The following TRIML1 variants were observed in gnomAD, a reference collection of about 807,000 sequenced individuals.
The protein encoded by TRIML1 is tripartite motif family like 1.
A neutral mutation model predicts 32.3 loss-of-function variants in TRIML1; 34 were observed. That is an observed-to-expected ratio of 1.05 (90% CI 0.80 to 1.40). The LOEUF is 1.40. TRIML1 is among the 40% of genes most tolerant of loss of function. The probability of loss-of-function intolerance (pLI) is 0.00; values close to 1 mark genes in which losing one functional copy is unlikely to be tolerated. For missense variants in TRIML1, 595 were observed against 574.9 expected (o/e 1.03, Z -0.36); for synonymous variants, 244 against 226.6 (o/e 1.08, Z -0.69).
intron 4 of TRIML1, 61 bp downstream of exon 4, chr4:188,143,921 T>C: frequency 6.2e-7 from 1 of 1,611,826 alleles, no homozygotes; most frequent in Non-Finnish European, 8.5e-7. Flanking sequence ...GATGGACAGT[T>C]CTGAGTGGGG....
intron 4 of TRIML1, 50 bp downstream of exon 4, chr4:188,143,910 TG>T: frequency 6.2e-7 from 1 of 1,613,232 alleles, no homozygotes; most frequent in Non-Finnish European, 8.5e-7. Context: ...GCAGTGGTGC[TG>T]ATGGACAGTT....
chr4:188,143,548 A>G, intron 3 of TRIML1: 1 of 442,476 alleles, frequency 2.3e-6, no homozygotes. Context: ...TGGATGATCG[A>G]GACTAACAGG....
rs1735101516 is a variant in TRIML1 at position 188,146,852 on chromosome 4, A to G, written c.887A>G (p.Asn296Ser). ...TEITLDPATANAYLVLSEDLK... is the reference protein window; with the variant it reads ...TEITLDPATASAYLVLSEDLK... ...ATAACGCTGGACCCAGCCACAGCTA[A>G]TGCCTATCTCGTGTTGTCGGAGGAT... The change falls in exon 6 of 6, where the codon AAT becomes AGT. Residue 296 changes from asparagine (N) to serine (S), a missense_variant. By Grantham distance (46) the Asn-to-Ser change is conservative. Coordinates refer to ENST00000332517, the MANE Select transcript of TRIML1 (RefSeq NM_178556.5). The G allele has an allele frequency of 7.0e-7, 1 of 1,428,174 alleles. No individual in the cohort carries two copies. Among genetic ancestry groups the G allele is most frequent in the Non-Finnish European group, 9.2e-7 (1 of 1,087,270 alleles). 88.5% of individuals were successfully genotyped at this position (1,428,174 alleles called of 1,614,324 possible).
chr4:188,143,657 T>C, intron 3 of TRIML1, 181 bp from the exon 4 acceptor site: 1 of 715,022 alleles, frequency 1.4e-6, no homozygotes, highest in Non-Finnish European at 2.5e-6. Context: ...CACCTTGTGT[T>C]CACCACAGCA....
At chr4:188,137,325 T>C (rs1734688759), upstream of TRIML1, among the ~76,000 whole-genome samples, 1 of 103,472 alleles carries the variant, frequency 9.7e-6, no homozygotes. Flanking sequence ...TTTTTTGAGA[T>C]GGGATCTTTC....
rs28719886 is a variant in TRIML1 at position 188,142,133 on chromosome 4, G to A, written c.505-119G>A. On this transcript the variant is annotated intron_variant, in intron 2 of 5. Coordinates refer to ENST00000332517, the MANE Select transcript of TRIML1 (RefSeq NM_178556.5). ...TCCATCTCAAAAAAAAAAAAAAAAA[G>A]AAAGAAAGAAACTCTAGGACTTGTA... 5,168 of 584,138 alleles carry A rather than the reference G, an allele frequency of 8.8e-3. 256 individuals are homozygous for A. In the African/African-American group the frequency reaches 0.1, roughly 12 times the overall value. 36.2% of individuals were successfully genotyped at this position (584,138 alleles called of 1,614,324 possible).
rs1216721195 is a variant in TRIML1 at position 188,147,005 on chromosome 4, T to C, written c.1040T>C (p.Val347Ala). Residue 347 changes from valine to alanine, a missense_variant, in exon 6 of 6, where the codon GTG becomes GCG. Physicochemically the swap from Val to Ala is moderately conservative, Grantham distance 64. Coordinates refer to ENST00000332517, the MANE Select transcript of TRIML1 (RefSeq NM_178556.5). ...TSGRHYWEVE[V>A]GNKTEWEVGI... ...GGGAGACACTACTGGGAGGTGGAGG[T>C]GGGAAACAAGACCGAGTGGGAAGTG... The C allele has an allele frequency of 2.5e-6, 4 of 1,593,398 alleles. No individual in the cohort carries two copies. In the African/African-American group the frequency reaches 5.4e-5, roughly 21 times the overall value.
intron 2 of TRIML1, 29 bp downstream of exon 2, chr4:188,140,652 G>T: frequency 2.0e-6 from 3 of 1,518,154 alleles, no homozygotes; most frequent in Non-Finnish European, 2.7e-6. Flanking sequence ...TTTGCTGCTT[G>T]TATATGACCC....
intron 5 of TRIML1, among the ~76,000 whole-genome samples, chr4:188,145,476 AG>A (rs70940904): frequency 0.027 from 866 of 32,224 alleles, 227 homozygotes; most frequent in African/African-American, 0.082. Flanking sequence ...AAAAAAAAAA[AG>A]TCAGAAATGG....
rs746108743 is a variant in TRIML1, at chr4:188,139,672, G to T, written c.114G>T (p.Val38=). ...TTECGHSFCL[V]CLLRSWEEHN... Reference sequence around the variant, plus strand: ...AGTGTGGGCACAGCTTTTGTCTGGTGTGTCTCCTCAGGAGCTGGGAGGAAC... The same window carrying T: ...AGTGTGGGCACAGCTTTTGTCTGGTTTGTCTCCTCAGGAGCTGGGAGGAAC... The change falls in exon 1 of 6, where the codon GTG becomes GTT. Residue 38 remains valine (V), a synonymous_variant. Transcript: ENST00000332517. The T allele has an allele frequency of 5.0e-6, 8 of 1,614,004 alleles. No individual in the cohort carries two copies. In the South Asian group the frequency reaches 8.8e-5, roughly 18 times the overall value.
intron 4 of TRIML1, 29 bp from the exon 5 acceptor site, chr4:188,144,007 G>A (rs748869879): frequency 4.3e-6 from 7 of 1,611,808 alleles, no homozygotes; most frequent in African/African-American, 2.7e-5. Context: ...GGTCTGTGCC[G>A]AGGAGTGAAC....
rs774590572 is a variant in TRIML1 at position 188,144,142 on chromosome 4, G to T, written c.856+9G>T. The T allele has an allele frequency of 7.4e-6, 12 of 1,612,502 alleles. No individual in the cohort carries two copies. In the East Asian group the frequency reaches 2.7e-4, roughly 36 times the overall value. On this transcript the variant is annotated intron_variant, in intron 5 of 5. Coordinates refer to ENST00000332517, the MANE Select transcript of TRIML1 (RefSeq NM_178556.5). ...GCTAAGAAAATTCAGCAGTAAGTCA[G>T]CCTGATTTGTTACCCCTCCGGGGCT...
At chr4:188,145,335 G>C (rs1035966513) in intron 5 of TRIML1, among the ~76,000 whole-genome samples, 3 of 151,288 alleles carry the variant, frequency 2.0e-5, no homozygotes, top group Middle Eastern at 3.4e-3. Context: ...CCAGCTACTC[G>C]GGAGGCCTAG....
chr4:188,140,114 C>A, intron 1 of TRIML1, 148 bp downstream of exon 1: 2 of 809,092 alleles, frequency 2.5e-6, no homozygotes, highest in Non-Finnish European at 1.9e-6. Flanking sequence ...CAGTTTACAC[C>A]CTTTTTTTTC....
At chr4:188,146,043 T>C (rs1305977646) in intron 5 of TRIML1, among the ~76,000 whole-genome samples, 1 of 152,190 alleles carries the variant, frequency 6.6e-6, no homozygotes, top group Non-Finnish European at 1.5e-5. Flanking sequence ...TTTTCTTTTT[T>C]GTAAAAATTA....
In TRIML1 at chr4:188,139,848, G is replaced by A. The variant is rs1734781672; in HGVS notation, c.290G>A (p.Arg97Lys). The A allele has an allele frequency of 6.2e-7, 1 of 1,613,860 alleles. No individual in the cohort carries two copies. Among genetic ancestry groups the A allele is most frequent in the Non-Finnish European group, 8.5e-7 (1 of 1,180,040 alleles). The change falls in exon 1 of 6, where the codon AGG becomes AAG. Residue 97 changes from arginine to lysine, a missense_variant. Transcript: ENST00000332517. ...GAGGATGAGCAGGGCAGCTACGGGA[G>A]GATGCCCACCACTGCCAAGGCGCTC... ...QSEDEQGSYG[R>K]MPTTAKALSD...
upstream of TRIML1, among the ~76,000 whole-genome samples, chr4:188,138,696 T>C (rs1734741578): frequency 6.6e-6 from 1 of 152,134 alleles, no homozygotes; most frequent in South Asian, 2.1e-4. Flanking sequence ...GTTTGGAAAT[T>C]TTCAATGGGT....
At chr4:188,142,660 G>GA (rs200754082) in intron 3 of TRIML1, among the ~76,000 whole-genome samples, 178 bp downstream of exon 3, 5,476 of 139,246 alleles carry the variant, frequency 0.039, 289 homozygotes, top group African/African-American at 0.13. Flanking sequence ...GAGAGAGAGA[G>GA]AAAAAAAAAA....
chr4:188,147,434 G>A lies in TRIML1; in HGVS notation c.*62G>A, dbSNP rs1735131773. The A allele has an allele frequency of 5.9e-6, 8 of 1,367,280 alleles. No homozygotes were observed. Among genetic ancestry groups the A allele is most frequent in the African/African-American group, 1.5e-5 (1 of 68,702 alleles). The allele number at this position is 1,367,280 out of a possible 1,614,324, so 84.7% of individuals were successfully genotyped here. ...GAGACCAAGACACAACTATTAAGACGATGAAGGCATCGACAGTATTAATGT... is the reference window on the plus strand; with the variant it reads ...GAGACCAAGACACAACTATTAAGACAATGAAGGCATCGACAGTATTAATGT... On this transcript the variant is annotated 3_prime_UTR_variant, in exon 6 of 6. Transcript: ENST00000332517.
Sources: gnomAD v4.1 joint callset for allele counts (sites outside exome capture counted in the v4.1 genomes callset) on GRCh38, gnomAD v4.1.1 for gene constraint, MANE v1.5 for transcripts, NCBI Gene and HGNC (gene_info 2026-07-23, HGNC 2026-07-21) for gene names.